The following NFIB variants were observed in gnomAD, a reference collection of about 807,000 sequenced individuals.
NFIB encodes nuclear factor I B.
Under a neutral mutation model 61.5 loss-of-function variants are expected in NFIB, and 11 were observed. The ratio of observed to expected loss-of-function variants is 0.18; its 90% CI spans 0.11 to 0.30. The LOEUF (loss-of-function observed/expected upper bound fraction) is 0.30. NFIB is among the 10% of genes least tolerant of loss of function. The pLI, the probability that NFIB is intolerant of heterozygous loss-of-function variation, is 1.00. For missense variants in NFIB, 471 were observed against 608.9 expected (o/e 0.77, Z 2.38); for synonymous variants, 260 against 216.5 (o/e 1.20, Z -1.76).
At chr9:14,304,273 GA>G (rs2059906468) in intron 2 of NFIB, among the ~76,000 whole-genome samples, 4 of 152,086 alleles carry the variant, frequency 2.6e-5, no homozygotes, top group Admixed American at 2.0e-4. Flanking sequence ...GAGAAAGAGG[GA>G]AAAAAGAAAA....
chr9:14,299,045 C>A (rs960723230), intron 2 of NFIB, among the ~76,000 whole-genome samples: 5 of 152,150 alleles, frequency 3.3e-5, no homozygotes, highest in African/African-American at 1.2e-4. Context: ...TACGAAGGAA[C>A]ATTTTTTACA....
At chr9:14,427,946 T>TTTTTG in the NFIB span, among the ~76,000 whole-genome samples, 2 of 99,438 alleles carry the variant, frequency 2.0e-5, no homozygotes, top group African/African-American at 4.2e-5. Flanking sequence ...TGTTTTTTTT[T>TTTTTG]TTTTTTTTTT....
At chr9:14,132,994 C>A (rs923623349) in intron 6 of NFIB, among the ~76,000 whole-genome samples, 1 of 151,926 alleles carries the variant, frequency 6.6e-6, no homozygotes, top group African/African-American at 2.4e-5. Context: ...ATGATACTGA[C>A]CAGAGGAGTT....
intron 10 of NFIB, among the ~76,000 whole-genome samples, chr9:14,110,752 G>A (rs2037234019): frequency 6.6e-6 from 1 of 152,006 alleles, no homozygotes; most frequent in South Asian, 2.1e-4. Context: ...AAATTTGAAA[G>A]GCTAAAATGA....
chr9:14,334,714 A>G (rs1188089434), intron 1 of NFIB, among the ~76,000 whole-genome samples: 1 of 152,200 alleles, frequency 6.6e-6, no homozygotes, highest in Non-Finnish European at 1.5e-5. Flanking sequence ...AATAAACTGC[A>G]CATGTTTAAA....
At chr9:14,456,743 T>A in the NFIB span, among the ~76,000 whole-genome samples, 1 of 152,138 alleles carries the variant, frequency 6.6e-6, no homozygotes, top group African/African-American at 2.4e-5. Context: ...CCGGTAGGGG[T>A]ACAAATTGCT....
rs1588365965 is a variant in NFIB at position 14,359,735 on chromosome 9, A to G, written c.108+38789T>C. On this transcript the variant is annotated intron_variant, in intron 1 of 8. Coordinates refer to the NFIB transcript ENST00000380934. ...CTAGGGCAATGGGAACTCAGCTTCTATGGTAAAACAAACACTCTCCTTCTC... is the reference window on the plus strand; with the variant it reads ...CTAGGGCAATGGGAACTCAGCTTCTGTGGTAAAACAAACACTCTCCTTCTC... Among the ~76,000 whole-genome samples the G allele has an allele frequency of 3.9e-5, 6 of 152,312 alleles. No homozygotes were observed. In the South Asian group the frequency reaches 1.0e-3, roughly 26 times the overall value.
intron 2 of NFIB, among the ~76,000 whole-genome samples, chr9:14,220,335 T>A (rs2131824395): frequency 6.6e-6 from 1 of 152,370 alleles, no homozygotes; most frequent in African/African-American, 2.4e-5. Context: ...GGTGCCTATC[T>A]GAAGCTATTT....
chr9:14,531,601 AG>A, the NFIB span, among the ~76,000 whole-genome samples: 1 of 152,050 alleles, frequency 6.6e-6, no homozygotes, highest in Non-Finnish European at 1.5e-5. Context: ...TTAGCCAAGA[AG>A]GCTCCAATCC....
At chr9:14,235,326 A>T (rs2053634853) in intron 2 of NFIB, among the ~76,000 whole-genome samples, 1 of 152,228 alleles carries the variant, frequency 6.6e-6, no homozygotes, top group Admixed American at 6.5e-5. Flanking sequence ...AACTCCCAGT[A>T]TTGCCAGCCC....
the NFIB span, among the ~76,000 whole-genome samples, chr9:14,447,205 T>C: frequency 6.6e-6 from 1 of 152,198 alleles, no homozygotes; most frequent in Non-Finnish European, 1.5e-5. Flanking sequence ...TTACACATAA[T>C]TTTTTAATAG....
At chr9:14,501,322 GAC>G in the NFIB span, among the ~76,000 whole-genome samples, 5 of 152,146 alleles carry the variant, frequency 3.3e-5, no homozygotes, top group African/African-American at 9.7e-5. Context: ...TCATAAAATA[GAC>G]ACAGAGTCCT....
At chr9:14,422,290 G>A in the NFIB span, among the ~76,000 whole-genome samples, 53,171 of 151,984 alleles carry the variant, frequency 0.35, 9,621 homozygotes, top group African/African-American at 0.44. Flanking sequence ...ACTTTTACTT[G>A]TAGAACACTG....
intron 1 of NFIB, among the ~76,000 whole-genome samples, chr9:14,343,637 C>T (rs1322508600): frequency 6.6e-6 from 1 of 151,954 alleles, no homozygotes; most frequent in Non-Finnish European, 1.5e-5. Context: ...AAAAGCAATC[C>T]CCAGGCAAAA....
upstream of NFIB, among the ~76,000 whole-genome samples, chr9:14,400,140 C>T (rs1264189646): frequency 6.6e-6 from 1 of 152,072 alleles, no homozygotes; most frequent in Non-Finnish European, 1.5e-5. Context: ...AATGCATTCT[C>T]AACAGTAGCT....
intron 10 of NFIB, among the ~76,000 whole-genome samples, chr9:14,088,836 C>A (rs1161952450): frequency 6.6e-6 from 1 of 152,070 alleles, no homozygotes; most frequent in Non-Finnish European, 1.5e-5. Flanking sequence ...AAAGATATTT[C>A]TTTTCTCCTT....
the NFIB span, among the ~76,000 whole-genome samples, chr9:14,445,654 C>T: frequency 6.6e-6 from 1 of 152,072 alleles, no homozygotes; most frequent in African/African-American, 2.4e-5. Flanking sequence ...TTAAACCAAA[C>T]TTGCATTTCT....
In NFIB at chr9:14,146,708, T is replaced by C. The variant is rs2042311569; in HGVS notation, c.906A>G (p.Thr302=). The change falls in exon 6 of 11, where the codon ACA becomes ACG. Residue 302 remains threonine (T), a synonymous_variant. Transcript: ENST00000380953. ...SPSSPAAGSR[T]WHERDQDMSS... is the part of the protein sequence containing the mutation. Reference sequence around the variant, plus strand: ...ACTCACCTTGATCTCTTTCGTGCCATGTTCGACTTCCAGCAGCTGGTGAAC... The same window carrying C: ...ACTCACCTTGATCTCTTTCGTGCCACGTTCGACTTCCAGCAGCTGGTGAAC... 3 of 1,612,876 alleles carry C rather than the reference T, an allele frequency of 1.9e-6. No individual in the cohort carries two copies. The highest frequency in any genetic ancestry group is 1.7e-5 in the Admixed American group (1 of 59,830).
At chr9:14,365,573 G>T (rs1468714848) in intron 1 of NFIB, among the ~76,000 whole-genome samples, 1 of 152,194 alleles carries the variant, frequency 6.6e-6, no homozygotes. Flanking sequence ...ATATTACTTA[G>T]CTTCCATCTT....
Sources: allele counts gnomAD v4.1 joint callset (sites outside exome capture counted in the v4.1 genomes callset), GRCh38; gene constraint gnomAD v4.1.1; transcripts MANE v1.5; gene names NCBI Gene and HGNC (gene_info 2026-07-23, HGNC 2026-07-21).